The following STKLD1 variants were observed in gnomAD, a reference collection of about 807,000 sequenced individuals.
STKLD1 encodes serine/threonine kinase like domain containing 1, also known as serine/threonine kinase-like domain-containing protein STKLD1.
STKLD1 carries 79 observed loss-of-function variants against 80.4 expected under a neutral mutation model. The ratio of observed to expected loss-of-function variants is 0.98; its 90% CI spans 0.82 to 1.19. The LOEUF is 1.19. Among genes scored for constraint, STKLD1 ranks in the 50% most tolerant of loss-of-function variants. The pLI, the probability that STKLD1 is intolerant of heterozygous loss-of-function variation, is 0.00. For missense variants in STKLD1, 841 were observed against 856.0 expected (o/e 0.98, Z 0.22); for synonymous variants, 393 against 357.6 (o/e 1.10, Z -1.12).
Position 133,384,051 on chromosome 9 carries a change from C to A in STKLD1, c.219+151C>A. On this transcript the variant is annotated intron_variant, in intron 3 of 17. Coordinates refer to ENST00000371957, the MANE Select transcript of STKLD1 (RefSeq NM_153710.5). This position sits in a 1 kb window ranked among gnomAD's most constrained non-coding sequence, Gnocchi z 4.3. ...AGTTTTGCCTCAGCTGTGAAGCCAG[C>A]AGCCCCAGGTCATGAAGGGAGTCCA... is the stretch of plus-strand genomic sequence containing the variant. The A allele has an allele frequency of 1.4e-6, 1 of 706,196 alleles. No homozygotes were observed. The highest frequency in any genetic ancestry group is 2.5e-6 in the Non-Finnish European group (1 of 404,164). 43.7% of individuals were successfully genotyped at this position (706,196 alleles called of 1,614,324 possible). A position where few individuals can be genotyped will look rare whatever the true frequency, so the allele number is the denominator to read the frequency against.
At position 133,394,747 on chromosome 9, in the gene STKLD1, C is replaced by G. The variant is rs1183210701; in HGVS notation, c.702+338C>G. On this transcript the variant is annotated intron_variant, in intron 8 of 17. Transcript: ENST00000371957. The surrounding 1 kb of genome is among the most constrained non-coding windows in gnomAD (Gnocchi z 4.9). ...TGAGCATGAAGGCTGCACGGAGTTG[C>G]AAGCAACGGGAACCCAGTGTGGGCC... 1 of 306,288 alleles carries G rather than the reference C, an allele frequency of 3.3e-6. No homozygotes were observed. Among genetic ancestry groups the G allele is most frequent in the East Asian group, 6.9e-5 (1 of 14,484 alleles). 19.0% of individuals were successfully genotyped at this position (306,288 alleles called of 1,614,324 possible).
intron 1 of STKLD1, among the ~76,000 whole-genome samples, chr9:133,378,358 G>A (rs140242081): frequency 2.1e-4 from 32 of 151,902 alleles, no homozygotes; most frequent in Non-Finnish European, 4.3e-4. Context: ...AGCAATCCCC[G>A]GCCCAGCCCC....
rs1554777437 is a variant in STKLD1 at position 133,400,494 on chromosome 9, G to C, written c.1163G>C (p.Cys388Ser). ...GACAGGGTCCTCGATGTCCAGCTGT[G>C]TGCCTGCTCCCTGCTGCTGCACCTC... The part of the protein sequence containing the change: ...LHDRVLDVQL[C>S]ACSLLLHLLG... The change falls in exon 12 of 18, where the codon TGT becomes TCT. Residue 388 changes from cysteine (C) to serine (S), a missense_variant. Cys to Ser is a moderately radical substitution (Grantham distance 112, BLOSUM62 -1). Transcript: ENST00000371957. The C allele has an allele frequency of 1.2e-6, 2 of 1,613,406 alleles. No homozygotes were observed. Among genetic ancestry groups the C allele is most frequent in the Non-Finnish European group, 1.7e-6 (2 of 1,179,994 alleles).
At chr9:133,403,207 G>A (rs1554778032) in intron 14 of STKLD1, among the ~76,000 whole-genome samples, 195 bp downstream of exon 14, 1 of 152,254 alleles carries the variant, frequency 6.6e-6, no homozygotes, top group Non-Finnish European at 1.5e-5. Context: ...AAAAGGCAGG[G>A]GAGAAAGGCC....
chr9:133,402,021 G>A lies in STKLD1; in HGVS notation c.1339+143G>A, dbSNP rs1038491159. On this transcript the variant is annotated intron_variant, in intron 13 of 17. Coordinates refer to ENST00000371957, the MANE Select transcript of STKLD1 (RefSeq NM_153710.5). ...CTGAGATACATGGTGGCATTTGGCCGTCTTCATTTGGCCACCCCAAATGCT... is the reference window on the plus strand; with the variant it reads ...CTGAGATACATGGTGGCATTTGGCCATCTTCATTTGGCCACCCCAAATGCT... 2.5e-4 allele frequency: 259 copies of A among 1,043,092 alleles called. 6 individuals carry two copies. In the South Asian group the frequency reaches 4.2e-3, roughly 17 times the overall value. The allele number at this position is 1,043,092 out of a possible 1,614,324, so 64.6% of individuals were successfully genotyped here.
At chr9:133,382,776 GTGA>G (rs1233326903) in intron 2 of STKLD1, among the ~76,000 whole-genome samples, 20 of 147,196 alleles carry the variant, frequency 1.4e-4, no homozygotes, top group Admixed American at 2.0e-4. Flanking sequence ...GATGATGGTG[GTGA>G]TGATGGTAAT....
At chr9:133,402,153 T>C (rs1021438504) in intron 13 of STKLD1, among the ~76,000 whole-genome samples, 24 of 152,232 alleles carry the variant, frequency 1.6e-4, no homozygotes, top group Admixed American at 1.5e-3. Context: ...ATGACATCTC[T>C]TTCCCACACT....
chr9:133,401,138 A>C lies in STKLD1; in HGVS notation c.1199-600A>C, dbSNP rs1385247773. Among the ~76,000 whole-genome samples the C allele has an allele frequency of 2.1e-5, 3 of 144,538 alleles. No individual in the cohort carries two copies. The South Asian group carries it at 6.4e-4, about 31-fold the overall frequency. The allele number at this position is 144,538 out of a possible 152,430, so 94.8% of individuals were successfully genotyped here. A position where few individuals can be genotyped will look rare whatever the true frequency, so the allele number is the denominator to read the frequency against. On this transcript the variant is annotated intron_variant, in intron 12 of 17. Coordinates refer to ENST00000371957, the MANE Select transcript of STKLD1 (RefSeq NM_153710.5). ...ATTTTTTTTGAAACAAAAAGTATTT[A>C]GTTACTTTTTTTTTTTTTTTTGAGA... is the stretch of plus-strand genomic sequence containing the variant.
rs370235211 is a variant in STKLD1 at position 133,395,729 on chromosome 9, C to T, written c.832C>T (p.Leu278Phe). 1.2e-6 allele frequency: 2 copies of T among 1,613,414 alleles called. No individual in the cohort carries two copies. The highest frequency in any genetic ancestry group is 1.7e-6 in the Non-Finnish European group (2 of 1,180,020). Residue 278 changes from leucine to phenylalanine, a missense_variant, in exon 9 of 18, where the codon CTC becomes TTC. Physicochemically the swap from Leu to Phe is conservative, Grantham distance 22. Transcript: ENST00000371957. Reference protein sequence around the residue: ...ETFRNLLPLMLQIDPSDRITI... With the variant: ...ETFRNLLPLMFQIDPSDRITI... ...CTTCAGGAATCTTCTGCCCTTGATGCTCCAGATCGACCCCTCGGATCGAAT... is the reference window on the plus strand; with the variant it reads ...CTTCAGGAATCTTCTGCCCTTGATGTTCCAGATCGACCCCTCGGATCGAAT...
In STKLD1 at chr9:133,394,098, G is replaced by C. The variant is rs1449055402; in HGVS notation, c.584-193G>C. 1 of 611,866 alleles carries C rather than the reference G, an allele frequency of 1.6e-6. No individual in the cohort carries two copies. Among genetic ancestry groups the C allele is most frequent in the Non-Finnish European group, 2.9e-6 (1 of 339,918 alleles). The allele number at this position is 611,866 out of a possible 1,614,324, so 37.9% of individuals were successfully genotyped here. A position where few individuals can be genotyped will look rare whatever the true frequency, so the allele number is the denominator to read the frequency against. On this transcript the variant is annotated intron_variant, in intron 7 of 17. Transcript: ENST00000371957. This position sits in a 1 kb window ranked among gnomAD's most constrained non-coding sequence, Gnocchi z 4.9. Reference sequence around the variant, plus strand: ...GGCTCCAGATCAACACAAAGCTCCCGCTGATTGGGGCCTCTTCCTCCCCAC... The same window carrying C: ...GGCTCCAGATCAACACAAAGCTCCCCCTGATTGGGGCCTCTTCCTCCCCAC...
At chr9:133,386,452 A>G (rs190663709) in intron 4 of STKLD1, among the ~76,000 whole-genome samples, 137 of 152,244 alleles carry the variant, frequency 9.0e-4, no homozygotes, top group African/African-American at 3.1e-3. Flanking sequence ...GCCACCCGAC[A>G]CCGGTGCCGT....
intron 4 of STKLD1, among the ~76,000 whole-genome samples, chr9:133,387,165 G>A (rs1177621536): frequency 1.3e-5 from 2 of 152,184 alleles, no homozygotes; most frequent in African/African-American, 4.8e-5. Context: ...TCCAAGCAGA[G>A]GGGTCCATGT....
In STKLD1 at chr9:133,384,933, G is replaced by T. The variant is rs1376336861; in HGVS notation, c.220-684G>T. ...ACTTGTTTGTCTTCTGGAATTGCTG[G>T]CTCTGGAGCTTGGCCAGCAAACATT... On this transcript the variant is annotated intron_variant, in intron 3 of 17. Transcript: ENST00000371957. This position sits in a 1 kb window ranked among gnomAD's most constrained non-coding sequence, Gnocchi z 4.3. Among the ~76,000 whole-genome samples the T allele has an allele frequency of 3.3e-5, 5 of 152,168 alleles. No homozygotes were observed. Among genetic ancestry groups the T allele is most frequent in the African/African-American group, 1.2e-4 (5 of 41,430 alleles).
intron 16 of STKLD1, 143 bp downstream of exon 16, chr9:133,404,191 CCA>C (rs1838781657): frequency 1.9e-6 from 2 of 1,059,698 alleles, no homozygotes; most frequent in African/African-American, 1.6e-5. Flanking sequence ...GATCTGAAGT[CCA>C]GTCATCCAGA....
chr9:133,389,720 C>A lies in STKLD1; in HGVS notation c.467+124C>A. On this transcript the variant is annotated intron_variant, in intron 6 of 17. Transcript: ENST00000371957. The surrounding 1 kb of genome is among the most constrained non-coding windows in gnomAD (Gnocchi z 6.4). ...AGAAAGGTGCACCGGGCCAGTGCAG[C>A]CAGGATAGGATGGGACCTTACAGAG... The A allele has an allele frequency of 1.4e-6, 2 of 1,470,898 alleles. No individual in the cohort carries two copies. Among genetic ancestry groups the A allele is most frequent in the South Asian group, 1.3e-5 (1 of 76,904 alleles). The allele number at this position is 1,470,898 out of a possible 1,614,324, so 91.1% of individuals were successfully genotyped here.
At chr9:133,387,915 C>A (rs2130281295) in intron 5 of STKLD1, 10 of 467,012 alleles carry the variant, frequency 2.1e-5, no homozygotes, top group South Asian at 1.1e-4. Context: ...GTGAGCCCCG[C>A]GGTGCTGCTG....
At chr9:133,387,928 T>TGCAC (rs1322259884) in intron 5 of STKLD1, 1 of 451,152 alleles carries the variant, frequency 2.2e-6, no homozygotes, top group Non-Finnish European at 4.4e-6. Flanking sequence ...TGCTGCTGCA[T>TGCAC]GCACCAGCAA....
rs1313464977 is a variant in STKLD1, at chr9:133,401,792, C to T, written c.1253C>T (p.Thr418Ile). 9 of 1,613,688 alleles carry T rather than the reference C, an allele frequency of 5.6e-6. No individual in the cohort carries two copies. The highest frequency in any genetic ancestry group is 7.6e-6 in the Non-Finnish European group (9 of 1,180,018). Residue 418 changes from threonine (T) to isoleucine (I), a missense_variant, in exon 13 of 18, where the codon ACC becomes ATC. By Grantham distance (89) the Thr-to-Ile change is moderately conservative (BLOSUM62 -1). Coordinates refer to ENST00000371957, the MANE Select transcript of STKLD1 (RefSeq NM_153710.5). ...KAPCNQAITS[T>I]LLSALQSHPE... ...CCCTGCAACCAAGCCATCACCTCCA[C>T]CCTGCTGAGTGCTCTTCAGAGCCAC...
chr9:133,379,970 G>A (rs1004031931), intron 2 of STKLD1, among the ~76,000 whole-genome samples: 25 of 152,342 alleles, frequency 1.6e-4, no homozygotes, highest in African/African-American at 4.3e-4. Context: ...GCTGGCTGTG[G>A]GGTTGGCCCC....
Sources: allele counts gnomAD v4.1 joint callset (sites outside exome capture counted in the v4.1 genomes callset), GRCh38; gene constraint gnomAD v4.1.1; non-coding constraint Gnocchi (gnomAD v3.1); transcripts MANE v1.5; gene names NCBI Gene and HGNC (gene_info 2026-07-23, HGNC 2026-07-21).